Variants in SUMF1 observed in about 807,000 individuals in gnomAD.
The protein encoded by SUMF1 is formylglycine-generating enzyme.
Under a neutral mutation model 47.6 loss-of-function variants are expected in SUMF1, and 48 were observed. That is an observed-to-expected ratio of 1.01 (90% CI 0.80 to 1.28). The LOEUF (loss-of-function observed/expected upper bound fraction) is 1.28, where lower values mean the gene tolerates loss of function less well. SUMF1 is among the 50% of genes most tolerant of loss of function. The pLI, the probability that SUMF1 is intolerant of heterozygous loss-of-function variation, is 0.00. For synonymous variants in SUMF1, 230 were observed against 192.1 expected, an observed-to-expected ratio of 1.20 and a Z score of -1.63; for missense variants, 571 against 485.4, an observed-to-expected ratio of 1.18 and a Z score of -1.66.
At chr3:4,192,726 G>T (rs932297964) in intron 8 of SUMF1, among the ~76,000 whole-genome samples, 1 of 152,092 alleles carries the variant, frequency 6.6e-6, no homozygotes, top group African/African-American at 2.4e-5. Context: ...TTAAAGGGTT[G>T]GGGCTTTGAG....
intron 7 of SUMF1, among the ~76,000 whole-genome samples, chr3:4,378,848 C>T (rs1256070993): frequency 6.6e-6 from 1 of 152,178 alleles, no homozygotes; most frequent in East Asian, 1.9e-4. Flanking sequence ...TATCTGCTAG[C>T]GTGCAATTTA....
intron 8 of SUMF1, among the ~76,000 whole-genome samples, chr3:4,348,710 C>CAA (rs776215852): frequency 1.2e-3 from 165 of 132,886 alleles, no homozygotes; most frequent in Middle Eastern, 4.0e-3. Context: ...ACTAAAAATA[C>CAA]AAAAAAAAAA....
At chr3:4,384,185 A>G (rs1700596861) in intron 7 of SUMF1, among the ~76,000 whole-genome samples, 1 of 152,216 alleles carries the variant, frequency 6.6e-6, no homozygotes, top group African/African-American at 2.4e-5. Flanking sequence ...ATTTCTTAGT[A>G]TGGCAGATCT....
At chr3:4,323,850 G>C (rs1197786939) in intron 8 of SUMF1, among the ~76,000 whole-genome samples, 1 of 152,152 alleles carries the variant, frequency 6.6e-6, no homozygotes, top group African/African-American at 2.4e-5. Flanking sequence ...TGCTCAGTCA[G>C]ATAGATAAGA....
intron 9 of SUMF1, among the ~76,000 whole-genome samples, chr3:4,040,992 G>T (rs949048440): frequency 6.6e-6 from 1 of 152,316 alleles, no homozygotes; most frequent in Admixed American, 6.5e-5. Context: ...TGCCCTTGGG[G>T]TCTGAAGTTT....
chr3:4,377,913 T>C (rs1700380040), intron 7 of SUMF1, among the ~76,000 whole-genome samples: 1 of 152,180 alleles, frequency 6.6e-6, no homozygotes, highest in Non-Finnish European at 1.5e-5. Flanking sequence ...TTTTTCCTTC[T>C]CCTGTGACCC....
At chr3:4,112,720 A>T (rs1420877284) in intron 8 of SUMF1, among the ~76,000 whole-genome samples, 1 of 152,142 alleles carries the variant, frequency 6.6e-6, no homozygotes, top group Non-Finnish European at 1.5e-5. Flanking sequence ...TAATCAGCAT[A>T]AGTGGAAACA....
chr3:4,079,053 T>C (rs1692501863), intron 8 of SUMF1, among the ~76,000 whole-genome samples: 2 of 152,104 alleles, frequency 1.3e-5, no homozygotes, highest in Non-Finnish European at 2.9e-5. Context: ...TTGTTTGTCA[T>C]CTGTACCTCA....
At chr3:4,440,968 T>C (rs1480579191) in intron 3 of SUMF1, among the ~76,000 whole-genome samples, 1 of 149,870 alleles carries the variant, frequency 6.7e-6, no homozygotes, top group Non-Finnish European at 1.5e-5. Flanking sequence ...ACTGGAAGTA[T>C]ATCTTAAATA....
chr3:4,467,016 G>A lies in SUMF1; in HGVS notation c.230C>T (p.Pro77Leu), dbSNP rs370526747. 3 of 1,592,544 alleles carry A rather than the reference G, an allele frequency of 1.9e-6. No individual in the cohort carries two copies. The highest frequency in any genetic ancestry group is 1.8e-5 in the Admixed American group (1 of 56,748). Reference sequence around the variant, plus strand: ...TTGCCGCTCTCCGGGTACGGGGCCCGGAGCGTTAGCCTCCCGCGAGTATCG... The same window carrying A: ...TTGCCGCTCTCCGGGTACGGGGCCCAGAGCGTTAGCCTCCCGCGAGTATCG... ...AHRYSREANA[P>L]GPVPGERQLA... Residue 77 changes from proline to leucine, a missense_variant, in exon 1 of 9, where the codon CCG (proline) becomes CTG (leucine). By Grantham distance (98) the Pro-to-Leu change is moderately conservative. Coordinates refer to ENST00000272902, the MANE Select transcript of SUMF1 (RefSeq NM_182760.4).
rs150383032 is a variant in SUMF1 at position 4,155,764 on chromosome 3, T to A, written c.1015-87019A>T. On this transcript the variant is annotated intron_variant and NMD_transcript_variant, in intron 8 of 12. Transcript: ENST00000448413. ...ATATGAACCCTGTCAGTCCGAAGCA[T>A]CCCTGAACCTCTTCTTCTTGTAACA... Among the ~76,000 whole-genome samples the A allele has an allele frequency of 1.0e-3, 154 of 151,390 alleles. 6 individuals carry two copies. Among genetic ancestry groups the A allele is most frequent in the African/African-American group, 3.6e-3 (145 of 40,824 alleles).
At chr3:4,223,435 T>G (rs1696109082) in intron 8 of SUMF1, among the ~76,000 whole-genome samples, 1 of 152,162 alleles carries the variant, frequency 6.6e-6, no homozygotes, top group African/African-American at 2.4e-5. Context: ...TAAAGCATGA[T>G]GGTGCTCAGA....
At chr3:4,347,918 G>A (rs528241531) in intron 8 of SUMF1, among the ~76,000 whole-genome samples, 2 of 152,280 alleles carry the variant, frequency 1.3e-5, no homozygotes, top group South Asian at 4.2e-4. Context: ...AATCATGAAT[G>A]AACTCCCATT....
chr3:4,228,076 G>A (rs57157135), intron 8 of SUMF1, among the ~76,000 whole-genome samples: 27,765 of 151,866 alleles, frequency 0.18, 2,978 homozygotes, highest in South Asian at 0.38. Context: ...AAAGCAGAAG[G>A]GGTGTGGTGG....
rs1052437225 is a variant in SUMF1, at chr3:4,275,911, A to G, written c.1014+100419T>C. ...CATATTGGCCTGTTTCTGCTCACAT[A>G]CTAGAATCCTAAGAAAACCTGGATC... On this transcript the variant is annotated intron_variant and NMD_transcript_variant, in intron 8 of 12. Coordinates refer to the SUMF1 transcript ENST00000448413. Among the ~76,000 whole-genome samples, 12 of 152,282 alleles carry G rather than the reference A, an allele frequency of 7.9e-5. No homozygotes were observed. The East Asian group carries it at 2.3e-3, about 29-fold the overall frequency.
At chr3:4,250,609 C>T (rs1185074862) in intron 8 of SUMF1, among the ~76,000 whole-genome samples, 1 of 152,012 alleles carries the variant, frequency 6.6e-6, no homozygotes, top group Non-Finnish European at 1.5e-5. Context: ...TGCCTGGGTT[C>T]AACACTTCAA....
At chr3:4,216,677 A>T (rs1282720550) in intron 8 of SUMF1, among the ~76,000 whole-genome samples, 1 of 152,172 alleles carries the variant, frequency 6.6e-6, no homozygotes, top group Non-Finnish European at 1.5e-5. Context: ...ACAAGAAAAA[A>T]ACAACCCCAT....
At chr3:4,123,874 C>T (rs1574903988) in intron 8 of SUMF1, among the ~76,000 whole-genome samples, 2 of 152,044 alleles carry the variant, frequency 1.3e-5, no homozygotes, top group African/African-American at 2.4e-5. Context: ...TTAGCTAGGG[C>T]GTCACAGACA....
At chr3:4,343,271 G>C (rs1245291494) in intron 8 of SUMF1, among the ~76,000 whole-genome samples, 1 of 152,174 alleles carries the variant, frequency 6.6e-6, no homozygotes, top group Non-Finnish European at 1.5e-5. Context: ...TCTCAAACAA[G>C]CCGTATGTAG....
Sources: gnomAD v4.1 joint callset for allele counts (sites outside exome capture counted in the v4.1 genomes callset) on GRCh38, gnomAD v4.1.1 for gene constraint, MANE v1.5 for transcripts, NCBI Gene and HGNC (gene_info 2026-07-23, HGNC 2026-07-21) for gene names.